The following MANBA variants were observed in gnomAD, a reference collection of about 807,000 sequenced individuals.
The protein encoded by MANBA is beta-mannosidase.
Under a neutral mutation model 111.1 loss-of-function variants are expected in MANBA, and 83 were observed. The observed-to-expected ratio is 0.75, with a 90% CI of 0.63 to 0.90. The LOEUF (loss-of-function observed/expected upper bound fraction) is 0.90, where lower values mean the gene tolerates loss of function less well. Among genes scored for constraint, MANBA ranks in the 40% least tolerant of loss-of-function variants. The pLI is 0.00. For synonymous variants in MANBA, 370 were observed against 378.7 expected (o/e 0.98, Z 0.27); for missense variants, 1,036 against 1,069.0 (o/e 0.97, Z 0.43).
chr4:102,687,958 A>T (rs773239428), intron 7 of MANBA, among the ~76,000 whole-genome samples: 2 of 152,188 alleles, frequency 1.3e-5, no homozygotes, highest in Non-Finnish European at 2.9e-5. Context: ...GGTGTGGGGC[A>T]GTTAAACATC....
chr4:102,721,447 G>A (rs1722568864), intron 4 of MANBA, among the ~76,000 whole-genome samples: 1 of 152,132 alleles, frequency 6.6e-6, no homozygotes, highest in South Asian at 2.1e-4. Flanking sequence ...TGAAAGAAGG[G>A]TCATGTAAAG....
chr4:102,723,186 G>A, intron 3 of MANBA, 145 bp from the exon 4 acceptor site: 1 of 751,168 alleles, frequency 1.3e-6, no homozygotes. Flanking sequence ...ACACTTCTCT[G>A]AAACACTGTA....
At chr4:102,679,474 C>A (rs915019997) in intron 7 of MANBA, 1 of 151,150 alleles carries the variant, frequency 6.6e-6, no homozygotes, top group East Asian at 1.9e-4. Context: ...CAAATATTAG[C>A]GTACAAAAAA....
At chr4:102,650,408 A>G (rs1730279114) in intron 13 of MANBA, 129 bp downstream of exon 13, 5 of 965,574 alleles carry the variant, frequency 5.2e-6, no homozygotes, top group South Asian at 4.3e-5. Flanking sequence ...TGTTCTTTGA[A>G]GAAAATAAAT....
intron 1 of MANBA, among the ~76,000 whole-genome samples, chr4:102,749,247 A>AT (rs1720967513): frequency 1.3e-5 from 2 of 152,254 alleles, no homozygotes; most frequent in Admixed American, 1.3e-4. Context: ...ATGGAGTTTC[A>AT]TATGCCATGA....
At chr4:102,711,073 T>C (rs1349764693) in intron 5 of MANBA, among the ~76,000 whole-genome samples, 1 of 152,150 alleles carries the variant, frequency 6.6e-6, no homozygotes, top group Non-Finnish European at 1.5e-5. Flanking sequence ...TTTTTATAGC[T>C]AAGACCTCAA....
chr4:102,753,395 A>G (rs1054532201), intron 1 of MANBA, among the ~76,000 whole-genome samples: 4 of 152,170 alleles, frequency 2.6e-5, no homozygotes, highest in Non-Finnish European at 4.4e-5. Flanking sequence ...TATTTTTAAA[A>G]GAATTTTAAT....
At chr4:102,700,671 G>C (rs925277594) in intron 5 of MANBA, among the ~76,000 whole-genome samples, 2 of 152,150 alleles carry the variant, frequency 1.3e-5, no homozygotes, top group African/African-American at 4.8e-5. Context: ...GAGCGGTTTT[G>C]AGTGAGTTTC....
At chr4:102,705,015 C>T (rs559714897) in intron 5 of MANBA, among the ~76,000 whole-genome samples, 1 of 152,222 alleles carries the variant, frequency 6.6e-6, no homozygotes, top group South Asian at 2.1e-4. Flanking sequence ...GCCACCTCCA[C>T]AAAGAAGAAC....
intron 11 of MANBA, among the ~76,000 whole-genome samples, chr4:102,658,343 C>G (rs963480842): frequency 6.6e-6 from 1 of 152,158 alleles, no homozygotes; most frequent in South Asian, 2.1e-4. Flanking sequence ...ACCCCTCCCC[C>G]AACCTTGAAA....
intron 1 of MANBA, among the ~76,000 whole-genome samples, 172 bp from the exon 2 acceptor site, chr4:102,726,855 G>A (rs143800107): frequency 6.6e-6 from 1 of 152,104 alleles, no homozygotes; most frequent in African/African-American, 2.4e-5. Context: ...AAATGTGAAG[G>A]GAAAATTCCA....
At chr4:102,712,149 A>G (rs1358696394) in intron 5 of MANBA, among the ~76,000 whole-genome samples, 2 of 152,362 alleles carry the variant, frequency 1.3e-5, no homozygotes, top group South Asian at 2.1e-4. Flanking sequence ...TACACATTCT[A>G]TGCATGTAAC....
intron 5 of MANBA, among the ~76,000 whole-genome samples, chr4:102,712,033 T>A (rs963688990): frequency 6.6e-6 from 1 of 152,228 alleles, no homozygotes; most frequent in Non-Finnish European, 1.5e-5. Flanking sequence ...ACAACATGTA[T>A]GGTATATTTC....
intron 1 of MANBA, among the ~76,000 whole-genome samples, chr4:102,755,903 G>A (rs1284195297): frequency 6.6e-6 from 1 of 152,144 alleles, no homozygotes; most frequent in Non-Finnish European, 1.5e-5. Flanking sequence ...TCAGAGAAAT[G>A]CAAATCAAAA....
chr4:102,712,702 A>AT (rs1033705535), intron 5 of MANBA, among the ~76,000 whole-genome samples: 1 of 151,700 alleles, frequency 6.6e-6, no homozygotes, highest in Admixed American at 6.6e-5. Flanking sequence ...TATTTTTTGT[A>AT]TTTTTTGTCA....
intron 12 of MANBA, among the ~76,000 whole-genome samples, chr4:102,654,375 T>C (rs1730467951): frequency 6.6e-6 from 1 of 152,130 alleles, no homozygotes; most frequent in African/African-American, 2.4e-5. Flanking sequence ...ACACGATAAG[T>C]ATATACAATT....
chr4:102,720,952 A>G lies in MANBA; in HGVS notation c.549+1919T>C, dbSNP rs1397717146. 2.0e-5 allele frequency among the ~76,000 whole-genome samples: 3 copies of G among 152,222 alleles called. No individual in the cohort carries two copies. In the East Asian group the frequency reaches 5.8e-4, roughly 29 times the overall value. Reference sequence around the variant, plus strand: ...GAGCCATTTAATTTAATCAGAACATATTAGCTAATGTAACAGTTCTACCTA... The same window carrying G: ...GAGCCATTTAATTTAATCAGAACATGTTAGCTAATGTAACAGTTCTACCTA... On this transcript the variant is annotated intron_variant, in intron 4 of 16. Coordinates refer to ENST00000647097, the MANE Select transcript of MANBA (RefSeq NM_005908.4).
chr4:102,728,953 C>T, intron 1 of MANBA: 1 of 783,852 alleles, frequency 1.3e-6, no homozygotes, highest in Non-Finnish European at 2.3e-6. Flanking sequence ...TACTCATGTT[C>T]TGCATCCCAG....
At chr4:102,657,648 T>A in intron 12 of MANBA, 34 bp downstream of exon 12, 1 of 1,511,430 alleles carries the variant, frequency 6.6e-7, no homozygotes, top group Non-Finnish European at 9.2e-7. Context: ...CAGTCTATCA[T>A]TCTGAAACAT....
Sources: allele counts gnomAD v4.1 joint callset (sites outside exome capture counted in the v4.1 genomes callset), GRCh38; gene constraint gnomAD v4.1.1; transcripts MANE v1.5; gene names NCBI Gene and HGNC (gene_info 2026-07-23, HGNC 2026-07-21).